SHANK2: variants seen among roughly 807,000 people sequenced by gnomAD.
SHANK2 encodes the protein SH3 and multiple ankyrin repeat domains protein 2.
A neutral mutation model predicts 133.7 loss-of-function variants in SHANK2; 43 were observed. The ratio of observed to expected loss-of-function variants is 0.32; its 90% confidence interval spans 0.25 to 0.41. The LOEUF is 0.41. Ranked by LOEUF, SHANK2 falls within the 10% of genes least tolerant of loss-of-function variation. The pLI, the probability that SHANK2 is intolerant of heterozygous loss-of-function variation, is 1.00. For missense variants in SHANK2, 1,994 were observed against 2,235.8 expected, an observed-to-expected ratio of 0.89 and a Z score of 2.18; for synonymous variants, 1,017 against 952.8, an observed-to-expected ratio of 1.07 and a Z score of -1.24.
chr11:70,507,289 G>A (rs2059148248), intron 17 of SHANK2, among the ~76,000 whole-genome samples: 1 of 152,178 alleles, frequency 6.6e-6, no homozygotes, highest in South Asian at 2.1e-4. Flanking sequence ...TGCCATCTGC[G>A]TTTAGAATTT....
chr11:70,652,735 C>T (rs944843756), intron 17 of SHANK2, among the ~76,000 whole-genome samples: 1 of 152,108 alleles, frequency 6.6e-6, no homozygotes, highest in Non-Finnish European at 1.5e-5. Flanking sequence ...CTTTTGAACC[C>T]AGGAGCTCAA....
intron 8 of SHANK2, among the ~76,000 whole-genome samples, chr11:71,087,064 C>G (rs1004592525): frequency 7.2e-5 from 11 of 152,304 alleles, no homozygotes; most frequent in Admixed American, 1.3e-4. Flanking sequence ...CCCCAGAGCT[C>G]AAGCCTCCAA....
chr11:71,145,405 C>T (rs1555106530), intron 3 of SHANK2, among the ~76,000 whole-genome samples: 4 of 152,378 alleles, frequency 2.6e-5, no homozygotes, highest in African/African-American at 9.6e-5. Context: ...ATGTGGCCCA[C>T]GGGCCTTGGG....
chr11:70,590,069 G>A (rs559494428), intron 17 of SHANK2, among the ~76,000 whole-genome samples: 27 of 152,304 alleles, frequency 1.8e-4, no homozygotes, highest in African/African-American at 6.0e-4. Context: ...GCAGGAGAAC[G>A]GCGTGAACCT....
intron 15 of SHANK2, among the ~76,000 whole-genome samples, chr11:70,673,003 A>G (rs1407179756): frequency 6.6e-6 from 1 of 152,256 alleles, no homozygotes; most frequent in Non-Finnish European, 1.5e-5. Flanking sequence ...AAGCTTCATC[A>G]GTGCTCCTGA....
intron 2 of SHANK2, among the ~76,000 whole-genome samples, chr11:71,221,204 CA>C (rs782213118): frequency 0.033 from 2,719 of 82,066 alleles, 41 homozygotes; most frequent in East Asian, 0.11. Context: ...GACTCCATCT[CA>C]AAAAAAAAAA....
chr11:70,875,280 G>GC (rs1565376593), intron 11 of SHANK2, among the ~76,000 whole-genome samples: 1 of 151,990 alleles, frequency 6.6e-6, no homozygotes, highest in African/African-American at 2.4e-5. Flanking sequence ...CACTCACTCC[G>GC]CCCCCAGTAG....
At chr11:70,915,581 C>A (rs1950258419) in intron 10 of SHANK2, among the ~76,000 whole-genome samples, 1 of 152,132 alleles carries the variant, frequency 6.6e-6, no homozygotes, top group African/African-American at 2.4e-5. Context: ...ACCCGAGTGA[C>A]ATCATGCCCT....
intron 19 of SHANK2, 118 bp from the exon 20 acceptor site, chr11:70,502,049 GGGGCATGCA>G: frequency 7.7e-7 from 1 of 1,305,878 alleles, no homozygotes; most frequent in Non-Finnish European, 1.1e-6. Flanking sequence ...ATGGGGCTGC[GGGGCATGCA>G]GGGGCATTTC....
chr11:71,085,919 C>A, intron 8 of SHANK2, among the ~76,000 whole-genome samples: 4 of 424 alleles, frequency 9.4e-3, no homozygotes, highest in East Asian at 0.17. Flanking sequence ...ATTAATATAA[C>A]ATAATAAATT....
At chr11:70,665,773 T>A (rs1401473053) in intron 15 of SHANK2, among the ~76,000 whole-genome samples, 1 of 152,186 alleles carries the variant, frequency 6.6e-6, no homozygotes, top group Non-Finnish European at 1.5e-5. Context: ...GAGGAGCAAG[T>A]GAGGCGATGC....
intron 25 of SHANK2, among the ~76,000 whole-genome samples, chr11:70,476,065 T>C (rs1591476203): frequency 6.7e-6 from 1 of 150,366 alleles, no homozygotes; most frequent in East Asian, 1.9e-4. Context: ...CTACTAAAAA[T>C]TAAAAAAAAA....
chr11:70,899,939 T>C (rs1235496925), intron 10 of SHANK2, among the ~76,000 whole-genome samples: 2 of 152,196 alleles, frequency 1.3e-5, no homozygotes, highest in Non-Finnish European at 2.9e-5. Context: ...ACACTGGGCA[T>C]TACGTGTAAC....
At chr11:70,841,959 T>C (rs1266193010) in intron 11 of SHANK2, among the ~76,000 whole-genome samples, 4 of 152,178 alleles carry the variant, frequency 2.6e-5, no homozygotes, top group African/African-American at 9.6e-5. Context: ...CACACGGTCC[T>C]TGTGCTGTCA....
At chr11:70,926,616 C>T (rs1019648013) in intron 10 of SHANK2, among the ~76,000 whole-genome samples, 9 of 152,114 alleles carry the variant, frequency 5.9e-5, no homozygotes, top group East Asian at 3.9e-4. Flanking sequence ...CACCAACAAA[C>T]GGCACACAAT....
At chr11:70,547,819 T>A (rs1554976685) in intron 17 of SHANK2, among the ~76,000 whole-genome samples, 2 of 152,236 alleles carry the variant, frequency 1.3e-5, no homozygotes, top group African/African-American at 4.8e-5. Context: ...TTGGTCCCCA[T>A]AACCATTTAG....
At chr11:71,226,645 A>G (rs1223893381) in intron 1 of SHANK2, 4 of 152,220 alleles carry the variant, frequency 2.6e-5, no homozygotes, top group African/African-American at 9.6e-5. Context: ...TTCTCAATCC[A>G]TAATTTTATA....
intron 11 of SHANK2, among the ~76,000 whole-genome samples, chr11:70,870,339 A>G (rs1555069944): frequency 6.6e-6 from 1 of 152,148 alleles, no homozygotes; most frequent in Non-Finnish European, 1.5e-5. Context: ...GGAAATAGAA[A>G]AAGTGGAAGG....
At chr11:70,541,966 C>T (rs2059627641) in intron 17 of SHANK2, among the ~76,000 whole-genome samples, 1 of 152,234 alleles carries the variant, frequency 6.6e-6, no homozygotes, top group Non-Finnish European at 1.5e-5. Flanking sequence ...AGCTTCTGCA[C>T]ACCCCGTGAC....
Sources: allele counts gnomAD v4.1 joint callset (sites outside exome capture counted in the v4.1 genomes callset), GRCh38; gene constraint gnomAD v4.1.1; transcripts MANE v1.5; gene names NCBI Gene and HGNC (gene_info 2026-07-23, HGNC 2026-07-21).